The following ADAMTS17 variants were observed in gnomAD, a reference collection of about 807,000 sequenced individuals.
ADAMTS17 encodes the protein A disintegrin and metalloproteinase with thrombospondin motifs 17.
A neutral mutation model predicts 141.5 loss-of-function variants in ADAMTS17; 113 were observed. The ratio of observed to expected loss-of-function variants is 0.80; its 90% CI spans 0.69 to 0.93. ADAMTS17 has a LOEUF of 0.93. ADAMTS17 is among the 40% of genes least tolerant of loss of function. The probability of loss-of-function intolerance (pLI) is 0.00; values close to 1 mark genes in which losing one functional copy is unlikely to be tolerated. For synonymous variants in ADAMTS17, 768 were observed against 630.6 expected (o/e 1.22, Z -3.27); for missense variants, 1,659 against 1,517.9 (o/e 1.09, Z -1.54).
chr15:100,157,144 A>G (rs1260372410), intron 8 of ADAMTS17, among the ~76,000 whole-genome samples: 2 of 152,222 alleles, frequency 1.3e-5, no homozygotes, highest in African/African-American at 4.8e-5. Flanking sequence ...CACTGTCACA[A>G]GAACAGGACA....
chr15:100,277,030 T>C (rs775532972), intron 4 of ADAMTS17, among the ~76,000 whole-genome samples: 4 of 152,092 alleles, frequency 2.6e-5, no homozygotes, highest in Admixed American at 6.5e-5. Context: ...AGCCCCCCTG[T>C]GCAAGGGGGC....
At chr15:100,214,307 G>C (rs1266496908) in intron 7 of ADAMTS17, among the ~76,000 whole-genome samples, 1 of 152,128 alleles carries the variant, frequency 6.6e-6, no homozygotes, top group Non-Finnish European at 1.5e-5. Flanking sequence ...CATTATCTTT[G>C]CTATGTGCTA....
At chr15:100,037,677 G>A (rs2030873735) in intron 18 of ADAMTS17, among the ~76,000 whole-genome samples, 1 of 151,972 alleles carries the variant, frequency 6.6e-6, no homozygotes, top group Non-Finnish European at 1.5e-5. Context: ...CCAAAGTGCT[G>A]GGATTACAGG....
chr15:100,236,013 G>A (rs890939735), intron 7 of ADAMTS17, among the ~76,000 whole-genome samples: 1 of 151,974 alleles, frequency 6.6e-6, no homozygotes, highest in African/African-American at 2.4e-5. Context: ...GAACATTTGG[G>A]GTAAATTCGA....
intron 18 of ADAMTS17, among the ~76,000 whole-genome samples, chr15:100,019,176 A>G (rs2061351404): frequency 6.6e-6 from 1 of 152,246 alleles, no homozygotes; most frequent in South Asian, 2.1e-4. Context: ...ACAGATGTAC[A>G]TACCCTAAGA....
In ADAMTS17 at chr15:100,167,433, G is replaced by C. The variant is rs117159822; in HGVS notation, c.1182-12113C>G. Reference sequence around the variant, plus strand: ...ACCCAGTTTACCCTCCCAGATGGTCGTGCGGATGCCGTCATCCGTGAAAAC... The same window carrying C: ...ACCCAGTTTACCCTCCCAGATGGTCCTGCGGATGCCGTCATCCGTGAAAAC... On this transcript the variant is annotated intron_variant, in intron 8 of 21. Transcript: ENST00000268070. 4.6e-5 allele frequency among the ~76,000 whole-genome samples: 7 copies of C among 152,244 alleles called. No individual in the cohort carries two copies. In the South Asian group the frequency reaches 1.5e-3, roughly 32 times the overall value.
intron 12 of ADAMTS17, among the ~76,000 whole-genome samples, chr15:100,119,660 A>C (rs1392797472): frequency 6.6e-6 from 1 of 152,226 alleles, no homozygotes; most frequent in African/African-American, 2.4e-5. Context: ...ATGTAAGAGA[A>C]CTGGATCCAG....
intron 15 of ADAMTS17, among the ~76,000 whole-genome samples, chr15:100,074,879 T>G (rs1311198067): frequency 6.6e-6 from 1 of 152,174 alleles, no homozygotes; most frequent in Non-Finnish European, 1.5e-5. Flanking sequence ...TATGACTTAT[T>G]AATTTCCTCT....
At chr15:100,158,403 A>G (rs2039535263) in intron 8 of ADAMTS17, among the ~76,000 whole-genome samples, 1 of 152,210 alleles carries the variant, frequency 6.6e-6, no homozygotes, top group African/African-American at 2.4e-5. Flanking sequence ...CACTCTCAGT[A>G]TGAATTCTTT....
intron 8 of ADAMTS17, among the ~76,000 whole-genome samples, chr15:100,162,493 A>G (rs2039748787): frequency 7.8e-6 from 1 of 127,894 alleles, no homozygotes; most frequent in Admixed American, 8.5e-5. Flanking sequence ...ATATATGCAC[A>G]TATACACATT....
chr15:99,977,603 A>T (rs2060391751), intron 20 of ADAMTS17, among the ~76,000 whole-genome samples: 1 of 150,668 alleles, frequency 6.6e-6, no homozygotes, highest in Non-Finnish European at 1.5e-5. Flanking sequence ...TTTAGTAGAG[A>T]CAGGGCTTCA....
chr15:100,047,167 G>C (rs1258279502), intron 18 of ADAMTS17, among the ~76,000 whole-genome samples: 2 of 151,340 alleles, frequency 1.3e-5, no homozygotes, highest in East Asian at 3.9e-4. Flanking sequence ...TTATTAGGAT[G>C]AGGAAATTCC....
At chr15:100,240,387 A>G (rs966642568) in intron 7 of ADAMTS17, among the ~76,000 whole-genome samples, 3 of 152,256 alleles carry the variant, frequency 2.0e-5, no homozygotes, top group Non-Finnish European at 4.4e-5. Flanking sequence ...GTAGCAACAT[A>G]TGCCACTGTG....
At chr15:100,114,262 T>C (rs2036976197) in intron 13 of ADAMTS17, among the ~76,000 whole-genome samples, 1 of 151,774 alleles carries the variant, frequency 6.6e-6, no homozygotes, top group Non-Finnish European at 1.5e-5. Context: ...TCCGCAGCGA[T>C]AGCACTGCTA....
At chr15:100,199,463 G>T (rs766504836) in intron 7 of ADAMTS17, 40 bp from the exon 8 acceptor site, 9 of 1,574,328 alleles carry the variant, frequency 5.7e-6, no homozygotes, top group African/African-American at 1.4e-5. Context: ...TCAGAACGTG[G>T]GAGGCCCTGG....
chr15:100,144,535 G>C (rs577709596), intron 10 of ADAMTS17, among the ~76,000 whole-genome samples: 1 of 151,904 alleles, frequency 6.6e-6, no homozygotes, highest in Non-Finnish European at 1.5e-5. Context: ...GGGTGACAGA[G>C]CAAGACTCCA....
chr15:100,254,989 G>A (rs1023791307), intron 6 of ADAMTS17, among the ~76,000 whole-genome samples: 2 of 146,138 alleles, frequency 1.4e-5, no homozygotes, highest in Admixed American at 6.9e-5. Flanking sequence ...TCCTGCACAT[G>A]TGCCCCAGAA....
chr15:100,243,444 G>A (rs900409001), intron 7 of ADAMTS17, among the ~76,000 whole-genome samples: 2 of 152,178 alleles, frequency 1.3e-5, no homozygotes, highest in African/African-American at 2.4e-5. Flanking sequence ...CAGTGCACAA[G>A]GGTTCCCATC....
At chr15:100,076,948 A>G (rs1366405502) in intron 15 of ADAMTS17, among the ~76,000 whole-genome samples, 1 of 152,076 alleles carries the variant, frequency 6.6e-6, no homozygotes, top group African/African-American at 2.4e-5. Context: ...ATCGCTATGA[A>G]GTTTATATAT....
Sources: allele counts gnomAD v4.1 joint callset (sites outside exome capture counted in the v4.1 genomes callset), GRCh38; gene constraint gnomAD v4.1.1; transcripts MANE v1.5; gene names NCBI Gene and HGNC (gene_info 2026-07-23, HGNC 2026-07-21).